Variants in IPCEF1 observed in about 807,000 individuals in gnomAD.
IPCEF1 encodes interactor protein for cytohesin exchange factors 1.
IPCEF1 carries 31 observed loss-of-function variants against 50.9 expected under a neutral mutation model. The ratio of observed to expected loss-of-function variants is 0.61; its 90% CI spans 0.46 to 0.82. The LOEUF (loss-of-function observed/expected upper bound fraction) is 0.82. Among genes scored for constraint, IPCEF1 ranks in the 40% least tolerant of loss-of-function variants. The pLI, the probability that IPCEF1 is intolerant of heterozygous loss-of-function variation, is 0.00. For missense variants in IPCEF1, 458 were observed against 514.0 expected (o/e 0.89, Z 1.05); for synonymous variants, 181 against 192.0 (o/e 0.94, Z 0.47).
intron 10 of IPCEF1, among the ~76,000 whole-genome samples, chr6:154,191,137 C>G (rs1208863250): frequency 1.3e-5 from 2 of 152,082 alleles, no homozygotes; most frequent in Non-Finnish European, 2.9e-5. Flanking sequence ...AGAAGCCAAT[C>G]TGAAAAGGGT....
intron 2 of IPCEF1, among the ~76,000 whole-genome samples, chr6:154,282,337 C>A (rs1162349830): frequency 6.6e-6 from 1 of 152,090 alleles, no homozygotes; most frequent in African/African-American, 2.4e-5. Context: ...GAAGAGATTA[C>A]AATGTCATCT....
At chr6:154,265,352 C>T (rs190639854) in intron 3 of IPCEF1, among the ~76,000 whole-genome samples, 6 of 151,994 alleles carry the variant, frequency 3.9e-5, no homozygotes, top group Non-Finnish European at 7.4e-5. Context: ...GCGATCTCGG[C>T]TCACTGCAAC....
intron 10 of IPCEF1, among the ~76,000 whole-genome samples, chr6:154,184,728 A>C (rs1367388390): frequency 6.6e-6 from 1 of 150,590 alleles, no homozygotes; most frequent in Non-Finnish European, 1.5e-5. Flanking sequence ...ACATGTTAGC[A>C]TTGGGAAAAT....
Position 154,159,373 on chromosome 6 carries a change from A to C in IPCEF1, c.*455T>G, listed in dbSNP as rs1798841936. 1.8e-5 allele frequency: 3 copies of C among 170,618 alleles called. No homozygotes were observed. Among genetic ancestry groups the C allele is most frequent in the Middle Eastern group, 5.3e-3 (2 of 380 alleles). 10.6% of individuals were successfully genotyped at this position (170,618 alleles called of 1,614,324 possible). ...TGTCCTTCCAGTCACTGCTCTAGAA[A>C]ACATTCCTCCACTCAAACAGTGATT... On this transcript the variant is annotated 3_prime_UTR_variant, in exon 12 of 12. Coordinates refer to ENST00000367220, the MANE Select transcript of IPCEF1 (RefSeq NM_001130700.2).
intron 2 of IPCEF1, among the ~76,000 whole-genome samples, chr6:154,276,165 CAGAG>C (rs1357833457): frequency 6.8e-6 from 1 of 147,204 alleles, no homozygotes; most frequent in Non-Finnish European, 1.5e-5. Context: ...GCCTGGGCAA[CAGAG>C]AGAGATTCCA....
chr6:154,324,545 C>T (rs1341867102), intron 1 of IPCEF1, among the ~76,000 whole-genome samples: 1 of 152,106 alleles, frequency 6.6e-6, no homozygotes, highest in African/African-American at 2.4e-5. Flanking sequence ...CAGTGGCTCA[C>T]ACCTGTAATC....
intron 5 of IPCEF1, 150 bp downstream of exon 5, chr6:154,246,441 G>T: frequency 3.5e-6 from 3 of 851,934 alleles, no homozygotes; most frequent in Non-Finnish European, 5.3e-6. Flanking sequence ...CATATCTACT[G>T]CACCAGAAAT....
At chr6:154,321,867 A>G (rs1323276930) in intron 1 of IPCEF1, among the ~76,000 whole-genome samples, 2 of 151,266 alleles carry the variant, frequency 1.3e-5, no homozygotes, top group Non-Finnish European at 2.9e-5. Flanking sequence ...AAGTCTTTTC[A>G]TGAGGACAAT....
At chr6:154,330,716 A>G (rs1360131843) in intron 1 of IPCEF1, among the ~76,000 whole-genome samples, 1 of 152,126 alleles carries the variant, frequency 6.6e-6, no homozygotes, top group Non-Finnish European at 1.5e-5. Context: ...ACCCCTCACA[A>G]GTATGTTCAG....
chr6:154,330,598 C>T (rs1783636183), intron 1 of IPCEF1, among the ~76,000 whole-genome samples: 2 of 152,234 alleles, frequency 1.3e-5, no homozygotes, highest in East Asian at 3.9e-4. Flanking sequence ...GCTGGGATTA[C>T]AGCCATGACC....
chr6:154,240,522 GA>G lies in IPCEF1; in HGVS notation c.246+6068del, dbSNP rs11394579. Reference sequence around the variant, plus strand: ...ATCTGTTCTTTATTTTTCTTGAGCTGAAAAAAAAAAAGGTACTCTATATTTA... The same window carrying G: ...ATCTGTTCTTTATTTTTCTTGAGCTGAAAAAAAAAAGGTACTCTATATTTA... On this transcript the variant is annotated intron_variant, in intron 5 of 11. Transcript: ENST00000367220. Among the ~76,000 whole-genome samples, 819 of 146,496 alleles carry G rather than the reference GA, an allele frequency of 5.6e-3. 5 individuals are homozygous for G. Among genetic ancestry groups the G allele is most frequent in the African/African-American group, 0.019 (743 of 39,920 alleles).
chr6:154,205,155 G>T (rs1342233862), intron 9 of IPCEF1, among the ~76,000 whole-genome samples: 1 of 152,160 alleles, frequency 6.6e-6, no homozygotes, highest in East Asian at 1.9e-4. Flanking sequence ...TTCATCTTCA[G>T]AGCATTTGTC....
chr6:154,236,184 TAC>T (rs1421644206), intron 5 of IPCEF1, among the ~76,000 whole-genome samples: 1 of 152,164 alleles, frequency 6.6e-6, no homozygotes, highest in Non-Finnish European at 1.5e-5. Flanking sequence ...CAAAATGTGG[TAC>T]ACACATCAAG....
At chr6:154,200,876 A>T (rs1777012473) in intron 9 of IPCEF1, among the ~76,000 whole-genome samples, 1 of 152,148 alleles carries the variant, frequency 6.6e-6, no homozygotes, top group Admixed American at 6.5e-5. Flanking sequence ...ATCACCAATG[A>T]TATGGTTGGT....
chr6:154,171,564 T>G (rs1186899715), intron 10 of IPCEF1, among the ~76,000 whole-genome samples: 2 of 152,190 alleles, frequency 1.3e-5, no homozygotes, highest in African/African-American at 4.8e-5. Context: ...AGCTGCACAA[T>G]TCCAAATATA....
At chr6:154,207,618 G>C (rs530453952) in intron 9 of IPCEF1, among the ~76,000 whole-genome samples, 1 of 152,026 alleles carries the variant, frequency 6.6e-6, no homozygotes, top group Non-Finnish European at 1.5e-5. Context: ...GCCCAGGCTG[G>C]TCTTGAACTC....
intron 1 of IPCEF1, among the ~76,000 whole-genome samples, chr6:154,294,163 C>T (rs1782580139): frequency 1.3e-5 from 2 of 152,132 alleles, no homozygotes; most frequent in African/African-American, 4.8e-5. Flanking sequence ...GACATTGGGG[C>T]CCAATTCTTT....
In IPCEF1 at chr6:154,221,259, G is replaced by A. The variant is rs200131779; in HGVS notation, c.390C>T (p.Asn130=). 1.6e-5 allele frequency: 26 copies of A among 1,613,146 alleles called. No individual in the cohort carries two copies. In the African/African-American group the frequency reaches 2.1e-4, roughly 13 times the overall value. The change falls in exon 7 of 12, where the codon AAC becomes AAT. Residue 130 remains asparagine (N), a splice_region_variant and synonymous_variant. Coordinates refer to ENST00000367220, the MANE Select transcript of IPCEF1 (RefSeq NM_001130700.2). ...YFAAENVQEM[N]VWLNKLGSAV... is the part of the protein sequence containing the mutation. ...GTTTACCAGTTTCCTCTACTTACACGTTCATTTCCTGCACATTCTCAGCTG... is the reference window on the plus strand; with the variant it reads ...GTTTACCAGTTTCCTCTACTTACACATTCATTTCCTGCACATTCTCAGCTG...
At chr6:154,291,888 T>C (rs1319901568) in intron 1 of IPCEF1, among the ~76,000 whole-genome samples, 1 of 152,044 alleles carries the variant, frequency 6.6e-6, no homozygotes, top group East Asian at 1.9e-4. Flanking sequence ...TTTCACCGTG[T>C]TAGCCAGGGT....
Sources: allele counts gnomAD v4.1 joint callset (sites outside exome capture counted in the v4.1 genomes callset), GRCh38; gene constraint gnomAD v4.1.1; transcripts MANE v1.5; gene names NCBI Gene and HGNC (gene_info 2026-07-23, HGNC 2026-07-21).